ZHX2: variants seen among roughly 807,000 people sequenced by gnomAD.
ZHX2 encodes the protein zinc fingers and homeoboxes protein 2.
Under a neutral mutation model 21.9 loss-of-function variants are expected in ZHX2, and 6 were observed. The observed-to-expected ratio is 0.27, with a 90% CI of 0.15 to 0.54. ZHX2 has a LOEUF of 0.54. Among genes scored for constraint, ZHX2 ranks in the 20% least tolerant of loss-of-function variants. The probability of loss-of-function intolerance (pLI) is 0.95; values close to 1 mark genes in which losing one functional copy is unlikely to be tolerated. For missense variants in ZHX2, 908 were observed against 1,090.7 expected (o/e 0.83, Z 2.36); for synonymous variants, 434 against 437.1 (o/e 0.99, Z 0.09).
intron 2 of ZHX2, among the ~76,000 whole-genome samples, chr8:122,866,472 A>G (rs1259424385): frequency 6.6e-6 from 1 of 152,154 alleles, no homozygotes; most frequent in Non-Finnish European, 1.5e-5. Flanking sequence ...CCCTCACCCC[A>G]TCTCACCCAG....
chr8:122,823,987 G>A (rs180940346), intron 1 of ZHX2, among the ~76,000 whole-genome samples: 181 of 152,248 alleles, frequency 1.2e-3, no homozygotes, highest in African/African-American at 3.7e-3. Flanking sequence ...ACACTGTGTC[G>A]AATGAACACA....
At chr8:122,860,698 A>C (rs973221437) in intron 1 of ZHX2, among the ~76,000 whole-genome samples, 1 of 152,186 alleles carries the variant, frequency 6.6e-6, no homozygotes, top group Non-Finnish European at 1.5e-5. Context: ...ACAGATCTTC[A>C]TCAGAAGTTA....
chr8:122,924,897 G>A (rs1820816851), intron 2 of ZHX2, among the ~76,000 whole-genome samples: 1 of 152,150 alleles, frequency 6.6e-6, no homozygotes, highest in South Asian at 2.1e-4. Flanking sequence ...TATTGCTGTA[G>A]TTACTTCTGC....
chr8:122,859,799 T>C (rs1256003732), intron 1 of ZHX2, among the ~76,000 whole-genome samples: 1 of 152,240 alleles, frequency 6.6e-6, no homozygotes, highest in Non-Finnish European at 1.5e-5. Context: ...AGTTTCTTAA[T>C]GGTAGGGACT....
At chr8:122,935,533 T>C (rs1201000862) in intron 2 of ZHX2, among the ~76,000 whole-genome samples, 1 of 122,972 alleles carries the variant, frequency 8.1e-6, no homozygotes, top group Non-Finnish European at 1.7e-5. Context: ...CCATTGAGAG[T>C]AACTTTTTTT....
rs145779488 is a variant in ZHX2, at chr8:122,879,732, G to A, written c.-220+16193G>A. On this transcript the variant is annotated intron_variant, in intron 2 of 3. Transcript: ENST00000314393. Reference sequence around the variant, plus strand: ...ATCTCTAACTCAGCCCTCGGGCCACGTTCCCACACACTCTTAAGACTGTGT... The same window carrying A: ...ATCTCTAACTCAGCCCTCGGGCCACATTCCCACACACTCTTAAGACTGTGT... 8.0e-4 allele frequency among the ~76,000 whole-genome samples: 121 copies of A among 152,076 alleles called. 2 individuals are homozygous for A. In the East Asian group the frequency reaches 0.011, roughly 14 times the overall value.
At chr8:122,786,762 G>A (rs1163538597) in intron 1 of ZHX2, among the ~76,000 whole-genome samples, 4 of 148,612 alleles carry the variant, frequency 2.7e-5, no homozygotes, top group Non-Finnish European at 4.4e-5. Context: ...TGGCAAGTCC[G>A]TACCACACAT....
At chr8:122,806,650 C>T (rs572015648) in intron 1 of ZHX2, among the ~76,000 whole-genome samples, 2 of 152,302 alleles carry the variant, frequency 1.3e-5, no homozygotes, top group East Asian at 3.9e-4. Context: ...CCGACCTCCC[C>T]TAGGCCTTAA....
At chr8:122,868,698 CAAAA>C (rs35306891) in intron 2 of ZHX2, among the ~76,000 whole-genome samples, 10,096 of 100,662 alleles carry the variant, frequency 0.1, 545 homozygotes, top group Non-Finnish European at 0.14. Flanking sequence ...AAGACTCCGT[CAAAA>C]AAAAAAAAAA....
chr8:122,900,489 A>C (rs907990009), intron 2 of ZHX2, among the ~76,000 whole-genome samples: 22 of 152,198 alleles, frequency 1.4e-4, no homozygotes, highest in African/African-American at 5.3e-4. Flanking sequence ...CCCCTCCTCC[A>C]ACCCCAGGGA....
chr8:122,886,033 G>A (rs1586360430), intron 2 of ZHX2, among the ~76,000 whole-genome samples: 2 of 152,248 alleles, frequency 1.3e-5, no homozygotes, highest in East Asian at 3.9e-4. Context: ...ATACCAAAAT[G>A]CCAATACAAG....
chr8:122,945,485 T>C (rs1260153871), intron 2 of ZHX2, among the ~76,000 whole-genome samples: 2 of 148,212 alleles, frequency 1.3e-5, no homozygotes, highest in Admixed American at 1.3e-4. Context: ...CGAGGCAATT[T>C]ATTCCAAGGC....
chr8:122,937,353 G>T (rs1410208831), intron 2 of ZHX2, among the ~76,000 whole-genome samples: 2 of 152,170 alleles, frequency 1.3e-5, no homozygotes, highest in Non-Finnish European at 2.9e-5. Context: ...TTGGAATAAG[G>T]AACATTACAG....
At chr8:122,866,880 G>A (rs567986381) in intron 2 of ZHX2, among the ~76,000 whole-genome samples, 7 of 151,992 alleles carry the variant, frequency 4.6e-5, no homozygotes, top group South Asian at 2.1e-4. Flanking sequence ...GCTGGAGTGC[G>A]GTGGCACGAT....
At chr8:122,881,056 C>A (rs554888689) in intron 2 of ZHX2, among the ~76,000 whole-genome samples, 1 of 152,180 alleles carries the variant, frequency 6.6e-6, no homozygotes, top group Non-Finnish European at 1.5e-5. Flanking sequence ...ACTTGATTAA[C>A]GCCCATTGAC....
chr8:122,789,722 A>G (rs1817473620), intron 1 of ZHX2, among the ~76,000 whole-genome samples: 1 of 152,232 alleles, frequency 6.6e-6, no homozygotes, highest in African/African-American at 2.4e-5. Context: ...CCAAGACATT[A>G]AGGGGAAAAG....
chr8:122,818,083 G>T (rs1323596581), intron 1 of ZHX2, among the ~76,000 whole-genome samples: 1 of 152,048 alleles, frequency 6.6e-6, no homozygotes, highest in African/African-American at 2.4e-5. Context: ...TTTGCTCTTG[G>T]CTTCGGAGGC....
chr8:122,922,006 GC>G (rs1368123843), intron 2 of ZHX2, among the ~76,000 whole-genome samples: 2 of 152,146 alleles, frequency 1.3e-5, no homozygotes, highest in African/African-American at 4.8e-5. Flanking sequence ...ATACACAGGG[GC>G]CTCTAGAAGC....
In ZHX2 at chr8:122,814,191, A is replaced by G. The variant is rs185060048; in HGVS notation, c.-283+32245A>G. Among the ~76,000 whole-genome samples, 309 of 152,360 alleles carry G rather than the reference A, an allele frequency of 2.0e-3. 1 individual carries two copies. The highest frequency in any genetic ancestry group is 0.018 in the Admixed American group (269 of 15,306). ...GCCCACATGCATAAAGAGCCAAGGC[A>G]GCTTCCTGGGGTATCTACTTAGACT... On this transcript the variant is annotated intron_variant, in intron 1 of 3. Transcript: ENST00000314393.
Sources: gnomAD v4.1 joint callset for allele counts (sites outside exome capture counted in the v4.1 genomes callset) on GRCh38, gnomAD v4.1.1 for gene constraint, MANE v1.5 for transcripts, NCBI Gene and HGNC (gene_info 2026-07-23, HGNC 2026-07-21) for gene names.